GRIP1: variants seen among roughly 807,000 people sequenced by gnomAD.
GRIP1 encodes the protein glutamate receptor-interacting protein 1.
GRIP1 carries 45 observed loss-of-function variants against 129.9 expected under a neutral mutation model. The observed-to-expected ratio is 0.35, with a 90% CI of 0.27 to 0.44. The LOEUF is 0.44. Ranked by LOEUF, GRIP1 falls within the 20% of genes least tolerant of loss-of-function variation. The pLI, the probability that GRIP1 is intolerant of heterozygous loss-of-function variation, is 1.00. For missense variants in GRIP1, 1,196 were observed against 1,396.8 expected (o/e 0.86, Z 2.29); for synonymous variants, 530 against 520.8 (o/e 1.02, Z -0.24).
intron 1 of GRIP1, among the ~76,000 whole-genome samples, chr12:66,845,925 C>T (rs913956452): frequency 1.3e-5 from 2 of 152,146 alleles, no homozygotes; most frequent in African/African-American, 4.8e-5. Context: ...TAAACCTCTA[C>T]TCCTACTCCT....
At chr12:66,496,634 AGACTCTG>A (rs1318574500) in intron 7 of GRIP1, among the ~76,000 whole-genome samples, 6 of 152,136 alleles carry the variant, frequency 3.9e-5, no homozygotes, top group Non-Finnish European at 8.8e-5. Context: ...ATTTACTGTT[AGACTCTG>A]GAGCTATAGT....
At chr12:66,431,233 A>C (rs148126585) in intron 14 of GRIP1, among the ~76,000 whole-genome samples, 6 of 152,216 alleles carry the variant, frequency 3.9e-5, no homozygotes, top group Non-Finnish European at 8.8e-5. Flanking sequence ...TAGTGAAAAA[A>C]CTGAGAGGCT....
At chr12:66,904,969 G>A (rs2040906882) in intron 1 of GRIP1, among the ~76,000 whole-genome samples, 2 of 151,838 alleles carry the variant, frequency 1.3e-5, no homozygotes, top group South Asian at 4.2e-4. Flanking sequence ...TTAAAAGATT[G>A]GCTACTTCTA....
intron 1 of GRIP1, among the ~76,000 whole-genome samples, chr12:66,631,766 T>G (rs73325174): frequency 9.2e-5 from 14 of 152,240 alleles, no homozygotes; most frequent in Admixed American, 9.2e-4. Flanking sequence ...TCAGTTGATA[T>G]AGAAATTTCT....
At position 66,450,219 on chromosome 12, in the gene GRIP1, G is replaced by T. The variant is rs1201455581; in HGVS notation, c.1355-4711C>A. Among the ~76,000 whole-genome samples the T allele has an allele frequency of 4.0e-5, 6 of 148,268 alleles. No homozygotes were observed. The East Asian group carries it at 1.2e-3, about 30-fold the overall frequency. ...CTCGGGAGGCTGAGGCAGCAGAATG[G>T]CGTGAACCCGGGAGGCGGAGCTTGC... On this transcript the variant is annotated intron_variant, in intron 11 of 24. Coordinates refer to ENST00000359742, the MANE Select transcript of GRIP1 (RefSeq NM_001366722.1).
chr12:66,651,048 T>C (rs1349697930), intron 1 of GRIP1, among the ~76,000 whole-genome samples: 1 of 152,220 alleles, frequency 6.6e-6, no homozygotes, highest in Non-Finnish European at 1.5e-5. Flanking sequence ...TGTACACAGT[T>C]AGTAATTATT....
At chr12:66,558,450 C>T (rs1380435200) in intron 2 of GRIP1, among the ~76,000 whole-genome samples, 4 of 152,182 alleles carry the variant, frequency 2.6e-5, no homozygotes, top group African/African-American at 7.2e-5. Context: ...GGGTCCCTCA[C>T]ACAACATGTG....
chr12:66,723,267 C>T (rs1308066684), intron 1 of GRIP1, among the ~76,000 whole-genome samples: 237 of 9,306 alleles, frequency 0.025, 18 homozygotes, highest in African/African-American at 0.11. Context: ...TTCCTTCCTT[C>T]CTTCCTTCCT....
chr12:66,878,279 TAGTA>T (rs1488230577), intron 1 of GRIP1, among the ~76,000 whole-genome samples: 2 of 151,854 alleles, frequency 1.3e-5, no homozygotes, highest in African/African-American at 4.8e-5. Context: ...ATAAGAGAGA[TAGTA>T]AGTGCTAAAG....
At chr12:66,401,504 G>A (rs1304329813) in intron 16 of GRIP1, among the ~76,000 whole-genome samples, 17 of 151,444 alleles carry the variant, frequency 1.1e-4, no homozygotes, top group African/African-American at 4.1e-4. Flanking sequence ...AGTTGAACCT[G>A]GAAGGCGGAG....
chr12:66,907,860 G>A (rs2040961082), intron 1 of GRIP1, among the ~76,000 whole-genome samples: 1 of 152,126 alleles, frequency 6.6e-6, no homozygotes, highest in Non-Finnish European at 1.5e-5. Context: ...AATTATTTGA[G>A]GGGAGGGTGG....
chr12:67,050,225 A>T (rs2043320948), intron 1 of GRIP1, among the ~76,000 whole-genome samples: 1 of 152,188 alleles, frequency 6.6e-6, no homozygotes, highest in African/African-American at 2.4e-5. Context: ...TCTTCACGCA[A>T]CTTATCCTAT....
At chr12:66,811,208 C>G (rs1272738870) in intron 1 of GRIP1, among the ~76,000 whole-genome samples, 3 of 152,012 alleles carry the variant, frequency 2.0e-5, no homozygotes, top group African/African-American at 7.2e-5. Context: ...TTTTTTCTAC[C>G]ATATAGAATA....
At chr12:66,900,450 G>C (rs944831375) in intron 1 of GRIP1, among the ~76,000 whole-genome samples, 1 of 152,134 alleles carries the variant, frequency 6.6e-6, no homozygotes, top group Non-Finnish European at 1.5e-5. Context: ...AAATCTGCCA[G>C]CCTCTTGATC....
Position 66,979,227 on chromosome 12 carries a change from A to AC in GRIP1, c.58+89822_58+89823insG, listed in dbSNP as rs1566103908. On this transcript the variant is annotated intron_variant, in intron 1 of 1. Coordinates refer to the GRIP1 transcript ENST00000643019. ...AGCCACAAAACTTCTCTTCTTAAAA[A>AC]AAAAAAAAAAAAAAAAAAAAAAAAA... Among the ~76,000 whole-genome samples, 8 of 115,058 alleles carry AC rather than the reference A, an allele frequency of 7.0e-5. 1 individual carries two copies. The highest frequency in any genetic ancestry group is 3.0e-4 in the African/African-American group (8 of 26,582). 75.5% of individuals were successfully genotyped at this position (115,058 alleles called of 152,430 possible).
intron 1 of GRIP1, among the ~76,000 whole-genome samples, chr12:67,006,075 A>C (rs2042621929): frequency 6.6e-6 from 1 of 152,222 alleles, no homozygotes; most frequent in Non-Finnish European, 1.5e-5. Flanking sequence ...CTTTTAATAC[A>C]TCTTAATGGG....
chr12:66,863,830 A>C (rs2040154133), intron 1 of GRIP1, among the ~76,000 whole-genome samples: 1 of 152,142 alleles, frequency 6.6e-6, no homozygotes, highest in Non-Finnish European at 1.5e-5. Flanking sequence ...TACTGCTACA[A>C]AAAGCTTCTG....
intron 1 of GRIP1, among the ~76,000 whole-genome samples, chr12:66,785,343 C>CATACATATATATATATAT (rs377630345): frequency 0.016 from 1,186 of 72,628 alleles, 40 homozygotes; most frequent in Non-Finnish European, 0.023. Flanking sequence ...TACATACATA[C>CATACATATATATATATAT]ATATATATAT....
At chr12:66,394,461 T>C (rs532349250) in intron 16 of GRIP1, 109 bp from the exon 17 acceptor site, 31 of 905,028 alleles carry the variant, frequency 3.4e-5, no homozygotes, top group Admixed American at 2.6e-4. Context: ...CAAAGTATCA[T>C]GTCACAGAAA....
Sources: allele counts gnomAD v4.1 joint callset (sites outside exome capture counted in the v4.1 genomes callset), GRCh38; gene constraint gnomAD v4.1.1; transcripts MANE v1.5; gene names NCBI Gene and HGNC (gene_info 2026-07-23, HGNC 2026-07-21).